Variants in NKD2 observed in about 807,000 individuals in gnomAD.
NKD2 encodes NKD inhibitor of Wnt signaling pathway 2, also known as protein naked cuticle homolog 2.
In NKD2, 43 loss-of-function variants were observed where a neutral mutation model predicts 34.8. The observed-to-expected ratio is 1.24, with a 90% CI of 0.97 to 1.60. The LOEUF is 1.60. NKD2 is among the 40% of genes most tolerant of loss of function. The pLI, the probability that NKD2 is intolerant of heterozygous loss-of-function variation, is 0.00. For missense variants in NKD2, 675 were observed against 627.1 expected (o/e 1.08, Z -0.82); for synonymous variants, 278 against 265.1 (o/e 1.05, Z -0.47).
chr5:1,025,916 T>C (rs866949415), intron 3 of NKD2, among the ~76,000 whole-genome samples: 1,748 of 40,740 alleles, frequency 0.043, 2 homozygotes, highest in Non-Finnish European at 0.064. Flanking sequence ...TCTGTGGGCG[T>C]CCCAGCCCAT....
At chr5:1,030,999 C>T (rs1024814283) in intron 3 of NKD2, among the ~76,000 whole-genome samples, 1 of 152,086 alleles carries the variant, frequency 6.6e-6, no homozygotes, top group Non-Finnish European at 1.5e-5. Context: ...CTCTCCCCAC[C>T]CAAGTTCTGG....
rs975740384 is a variant in NKD2, at chr5:1,033,315, G to A, written c.203-57G>A. The stretch of plus-strand genomic sequence containing the variant: ...GAGAGCAGCGAGGGTCCCCAATGGC[G>A]GGCCACATCCTCCATGTGCCCTCTG... On this transcript the variant is annotated intron_variant, in intron 4 of 9. Transcript: ENST00000296849. 1.5e-5 allele frequency: 23 copies of A among 1,490,336 alleles called. No homozygotes were observed. The South Asian group carries it at 1.6e-4, about 10-fold the overall frequency. 92.3% of individuals were successfully genotyped at this position (1,490,336 alleles called of 1,614,324 possible). A position where few individuals can be genotyped will look rare whatever the true frequency, so the allele number is the denominator to read the frequency against.
rs371547521 is a variant in NKD2, at chr5:1,026,674, C to A, written c.142-5478C>A. On this transcript the variant is annotated intron_variant, in intron 3 of 9. Transcript: ENST00000296849. ...CACCCTCAGCCTTTTCCTGAGAGGC[C>A]CAGCTCCAGCCCGTGTGCCATATCC... is the stretch of plus-strand genomic sequence containing the variant. Among the ~76,000 whole-genome samples the A allele has an allele frequency of 4.6e-5, 7 of 152,364 alleles. No individual in the cohort carries two copies. In the East Asian group the frequency reaches 9.6e-4, roughly 21 times the overall value.
intron 3 of NKD2, among the ~76,000 whole-genome samples, chr5:1,022,120 CT>C (rs1228377714): frequency 6.6e-6 from 1 of 151,806 alleles, no homozygotes; most frequent in Non-Finnish European, 1.5e-5. Flanking sequence ...TTGCTGGCCC[CT>C]GTCCACCAGT....
chr5:1,013,830 C>G (rs918394393), intron 3 of NKD2, among the ~76,000 whole-genome samples: 6 of 152,198 alleles, frequency 3.9e-5, no homozygotes, highest in Non-Finnish European at 7.3e-5. Flanking sequence ...GGTCACTGTA[C>G]CTGGACAGTG....
chr5:1,035,199 C>CAAGT (rs1354472876), intron 7 of NKD2, among the ~76,000 whole-genome samples, 190 bp from the exon 8 acceptor site: 2 of 150,728 alleles, frequency 1.3e-5, no homozygotes, highest in South Asian at 2.1e-4. Flanking sequence ...AATGAGTGAA[C>CAAGT]GAGTGAGTTA....
chr5:1,016,122 C>T (rs1047348139), intron 3 of NKD2, among the ~76,000 whole-genome samples: 1 of 152,260 alleles, frequency 6.6e-6, no homozygotes, highest in African/African-American at 2.4e-5. Context: ...GACACTTCCC[C>T]AGCGTGGGGC....
chr5:1,035,381 C>T lies in NKD2; in HGVS notation c.575-8C>T, dbSNP rs767897841. 2.6e-6 allele frequency: 4 copies of T among 1,554,832 alleles called. No homozygotes were observed. Among genetic ancestry groups the T allele is most frequent in the Admixed American group, 1.9e-5 (1 of 51,702 alleles). ...AGGGAGTGAGTAATGGCAGGACCCC[C>T]CTTTCAGACCGGGAGCCCACCCGTT... On this transcript the variant is annotated splice_region_variant and splice_polypyrimidine_tract_variant and intron_variant, in intron 7 of 9. Transcript: ENST00000296849.
At chr5:1,016,918 C>T (rs1341633810) in intron 3 of NKD2, among the ~76,000 whole-genome samples, 1 of 151,624 alleles carries the variant, frequency 6.6e-6, no homozygotes, top group African/African-American at 2.4e-5. Context: ...GATAACAGAG[C>T]TGACCTCACC....
intron 3 of NKD2, among the ~76,000 whole-genome samples, chr5:1,026,233 C>CCTCTG (rs1756392300): frequency 2.7e-5 from 1 of 37,154 alleles, no homozygotes; most frequent in Admixed American, 3.8e-4. Context: ...CTCTTCCCAC[C>CCTCTG]TGCTAGTGGG....
intron 3 of NKD2, among the ~76,000 whole-genome samples, chr5:1,017,448 C>T (rs1756004516): frequency 1.3e-5 from 2 of 152,246 alleles, no homozygotes; most frequent in Admixed American, 6.5e-5. Flanking sequence ...TGATTTTGCT[C>T]CTGAGGGCTG....
intron 5 of NKD2, chr5:1,034,015 A>G (rs955486238): frequency 1.7e-6 from 1 of 586,352 alleles, no homozygotes. Flanking sequence ...ACCGAATCAC[A>G]GGGCACAAAG....
At chr5:1,027,675 C>T (rs965422840) in intron 3 of NKD2, among the ~76,000 whole-genome samples, 3 of 152,174 alleles carry the variant, frequency 2.0e-5, no homozygotes, top group African/African-American at 4.8e-5. Context: ...CCCAGAGGGC[C>T]GTGACTTCAC....
chr5:1,011,987 G>A (rs78149986), intron 3 of NKD2, among the ~76,000 whole-genome samples: 132 of 152,340 alleles, frequency 8.7e-4, no homozygotes, highest in African/African-American at 3.0e-3. Context: ...TGAGGGATCC[G>A]GAGTCCCTGG....
chr5:1,032,316 A>T (rs1756677899), intron 4 of NKD2, 104 bp downstream of exon 4: 1 of 877,840 alleles, frequency 1.1e-6, no homozygotes, highest in African/African-American at 1.7e-5. Context: ...GTGCGGAGCG[A>T]GGGCACTTCC....
intron 3 of NKD2, among the ~76,000 whole-genome samples, chr5:1,014,710 A>G (rs1415957964): frequency 6.6e-6 from 1 of 151,904 alleles, no homozygotes; most frequent in Non-Finnish European, 1.5e-5. Context: ...GGCTCTTTCT[A>G]TTTCTCAGGA....
chr5:1,037,459 G>A, intron 9 of NKD2: 2 of 1,432,642 alleles, frequency 1.4e-6, no homozygotes, highest in Middle Eastern at 1.7e-4. Context: ...TTTAGGGGAT[G>A]CGAATCCTGG....
rs558436893 is a variant in NKD2 at position 1,037,509 on chromosome 5, G to T, written c.788-296G>T. On this transcript the variant is annotated intron_variant, in intron 9 of 9. Transcript: ENST00000296849. ...ATATAACCTGGCTTTCTGCCACGGCGCCCCAAGCAGGGTCTCAGCTGTGCG... is the reference window on the plus strand; with the variant it reads ...ATATAACCTGGCTTTCTGCCACGGCTCCCCAAGCAGGGTCTCAGCTGTGCG... The T allele has an allele frequency of 4.6e-6, 7 of 1,533,574 alleles. No individual in the cohort carries two copies. In the African/African-American group the frequency reaches 6.9e-5, roughly 15 times the overall value. 95.0% of individuals were successfully genotyped at this position (1,533,574 alleles called of 1,614,324 possible).
intron 3 of NKD2, among the ~76,000 whole-genome samples, chr5:1,010,437 G>C (rs1755708188): frequency 6.6e-6 from 1 of 152,152 alleles, no homozygotes; most frequent in Non-Finnish European, 1.5e-5. Flanking sequence ...GAAAGACATT[G>C]TTCTGGCAGT....
Sources: gnomAD v4.1 joint callset for allele counts (sites outside exome capture counted in the v4.1 genomes callset) on GRCh38, gnomAD v4.1.1 for gene constraint, MANE v1.5 for transcripts, NCBI Gene and HGNC (gene_info 2026-07-23, HGNC 2026-07-21) for gene names.